The following AP3B1 variants were observed in gnomAD, a reference collection of about 807,000 sequenced individuals.
The protein encoded by AP3B1 is AP-3 complex subunit beta-1.
AP3B1 carries 61 observed loss-of-function variants against 132.5 expected under a neutral mutation model. That is an observed-to-expected ratio of 0.46 (90% CI 0.37 to 0.57). The LOEUF is 0.57. Among genes scored for constraint, AP3B1 ranks in the 20% least tolerant of loss-of-function variants. The probability of loss-of-function intolerance (pLI) is 0.00; values close to 1 mark genes in which losing one functional copy is unlikely to be tolerated. For synonymous variants in AP3B1, 388 were observed against 438.3 expected, an observed-to-expected ratio of 0.89 and a Z score of 1.43; for missense variants, 1,120 against 1,289.4, an observed-to-expected ratio of 0.87 and a Z score of 2.01.
chr5:78,255,681 C>A (rs2112543039), intron 2 of AP3B1, among the ~76,000 whole-genome samples: 1 of 152,236 alleles, frequency 6.6e-6, no homozygotes, highest in East Asian at 1.9e-4. Context: ...CAGCATCAGA[C>A]AGATCTTCCA....
At chr5:78,037,088 A>T (rs1747838279) in intron 23 of AP3B1, among the ~76,000 whole-genome samples, 1 of 152,190 alleles carries the variant, frequency 6.6e-6, no homozygotes, top group African/African-American at 2.4e-5. Flanking sequence ...AGGCAATGGT[A>T]AACATTCATA....
intron 22 of AP3B1, among the ~76,000 whole-genome samples, chr5:78,069,183 C>A (rs1024324092): frequency 1.3e-5 from 2 of 152,210 alleles, no homozygotes; most frequent in Non-Finnish European, 1.5e-5. Context: ...GAAGCATTCC[C>A]ATTGAAAACC....
intron 22 of AP3B1, among the ~76,000 whole-genome samples, chr5:78,045,608 G>A (rs1277442973): frequency 1.3e-5 from 2 of 151,954 alleles, no homozygotes; most frequent in Non-Finnish European, 2.9e-5. Context: ...CATATATTTA[G>A]ACTTTAGTTC....
At chr5:78,217,110 G>T (rs2112478311) in intron 6 of AP3B1, among the ~76,000 whole-genome samples, 1 of 151,908 alleles carries the variant, frequency 6.6e-6, no homozygotes, top group South Asian at 2.1e-4. Context: ...TGAACACTAG[G>T]GATCTTCACT....
At chr5:78,237,706 G>A (rs538955726) in intron 3 of AP3B1, among the ~76,000 whole-genome samples, 6 of 152,148 alleles carry the variant, frequency 3.9e-5, no homozygotes, top group South Asian at 4.2e-4. Flanking sequence ...CCAGCTGCTC[G>A]GGAGGCTGAG....
intron 22 of AP3B1, among the ~76,000 whole-genome samples, chr5:78,052,220 A>G (rs1228089931): frequency 6.6e-6 from 1 of 152,178 alleles, no homozygotes; most frequent in Admixed American, 6.5e-5. Context: ...TATACATTAT[A>G]AAGCACACAA....
chr5:78,072,008 A>G (rs2112164313), intron 22 of AP3B1, among the ~76,000 whole-genome samples: 1 of 152,354 alleles, frequency 6.6e-6, no homozygotes, highest in African/African-American at 2.4e-5. Flanking sequence ...TATTCTATGA[A>G]GCATGAATGT....
chr5:78,186,302 T>C (rs1209916590), intron 7 of AP3B1, among the ~76,000 whole-genome samples: 1 of 152,122 alleles, frequency 6.6e-6, no homozygotes. Flanking sequence ...GAGAAGGACA[T>C]TATAGAATGA....
intron 22 of AP3B1, among the ~76,000 whole-genome samples, chr5:78,072,956 G>A (rs1239215912): frequency 1.3e-5 from 2 of 151,894 alleles, no homozygotes; most frequent in Admixed American, 6.6e-5. Flanking sequence ...TCCTGACCTC[G>A]TGATCTGCCT....
chr5:78,179,178 G>A (rs567630405), intron 8 of AP3B1, among the ~76,000 whole-genome samples: 5 of 152,096 alleles, frequency 3.3e-5, no homozygotes, highest in South Asian at 2.1e-4. Context: ...AAATATTAAC[G>A]CATATACCTG....
At chr5:78,140,303 T>C (rs1009641952) in intron 15 of AP3B1, among the ~76,000 whole-genome samples, 1 of 152,070 alleles carries the variant, frequency 6.6e-6, no homozygotes, top group African/African-American at 2.4e-5. Context: ...TAGCAGAGCA[T>C]ACAAGCCACT....
chr5:78,046,293 A>G (rs1354179696), intron 22 of AP3B1, among the ~76,000 whole-genome samples: 1 of 152,192 alleles, frequency 6.6e-6, no homozygotes, highest in East Asian at 1.9e-4. Flanking sequence ...AGATCCTCAT[A>G]GGAGTGCAAA....
intron 1 of AP3B1, among the ~76,000 whole-genome samples, chr5:78,275,369 T>C (rs1748728384): frequency 6.6e-6 from 1 of 152,114 alleles, no homozygotes; most frequent in Admixed American, 6.5e-5. Flanking sequence ...AAAAGGAAAA[T>C]AATTTTACAT....
intron 1 of AP3B1, among the ~76,000 whole-genome samples, chr5:78,282,170 C>A (rs1487408442): frequency 1.3e-5 from 2 of 152,126 alleles, no homozygotes; most frequent in Non-Finnish European, 2.9e-5. Context: ...CCAAGGTCAC[C>A]AACAACTGCC....
At chr5:78,277,520 T>C (rs1322252513) in intron 1 of AP3B1, among the ~76,000 whole-genome samples, 2 of 152,104 alleles carry the variant, frequency 1.3e-5, no homozygotes, top group Non-Finnish European at 1.5e-5. Flanking sequence ...TGCAATAAAG[T>C]AAGACTGGGT....
At chr5:78,046,844 C>T (rs1748356018) in intron 22 of AP3B1, among the ~76,000 whole-genome samples, 1 of 152,046 alleles carries the variant, frequency 6.6e-6, no homozygotes, top group Non-Finnish European at 1.5e-5. Flanking sequence ...CTAATGCTAG[C>T]CCTCCCCTAC....
At chr5:78,244,515 G>A (rs1157592399) in intron 2 of AP3B1, among the ~76,000 whole-genome samples, 1 of 152,180 alleles carries the variant, frequency 6.6e-6, no homozygotes, top group Non-Finnish European at 1.5e-5. Context: ...AGGTATTTGG[G>A]GAGATGAGCA....
chr5:78,227,283 C>T, intron 5 of AP3B1, 89 bp downstream of exon 5: 1 of 1,317,378 alleles, frequency 7.6e-7, no homozygotes, highest in Non-Finnish European at 1.1e-6. Context: ...AGCAGCCTAC[C>T]TAAAAGAGCG....
chr5:78,193,740 T>TATATATATATATATCTATC (rs1561469382), intron 7 of AP3B1, among the ~76,000 whole-genome samples: 1 of 41,732 alleles, frequency 2.4e-5, no homozygotes, highest in Admixed American at 3.5e-4. Context: ...TTGTATATAT[T>TATATATATATATATCTATC]TTTTTATATA....
Sources: gnomAD v4.1 joint callset for allele counts (sites outside exome capture counted in the v4.1 genomes callset) on GRCh38, gnomAD v4.1.1 for gene constraint, MANE v1.5 for transcripts, NCBI Gene and HGNC (gene_info 2026-07-23, HGNC 2026-07-21) for gene names.